The following WWOX variants were observed in gnomAD, a reference collection of about 807,000 sequenced individuals.
The protein encoded by WWOX is WW domain containing oxidoreductase.
In WWOX, 69 loss-of-function variants were observed where a neutral mutation model predicts 46.2. The observed-to-expected ratio is 1.49, with a 90% CI of 1.23 to 1.82. The LOEUF is 1.82. WWOX is among the 40% of genes most tolerant of loss of function. The pLI, the probability that WWOX is intolerant of heterozygous loss-of-function variation, is 0.00. For missense variants in WWOX, 919 were observed against 542.6 expected, an observed-to-expected ratio of 1.69 and a Z score of -6.89; for synonymous variants, 359 against 202.6, an observed-to-expected ratio of 1.77 and a Z score of -6.56.
chr16:78,985,086 T>C (rs1389908320), intron 8 of WWOX, among the ~76,000 whole-genome samples: 1 of 152,212 alleles, frequency 6.6e-6, no homozygotes, highest in African/African-American at 2.4e-5. Context: ...CGCCCAGTTT[T>C]TGGACTTTGT....
chr16:78,676,032 C>T (rs1027257085), intron 8 of WWOX, among the ~76,000 whole-genome samples: 2 of 152,002 alleles, frequency 1.3e-5, no homozygotes, highest in South Asian at 2.1e-4. Context: ...TTTTTTTTAG[C>T]TTCTTCTCCG....
intron 8 of WWOX, among the ~76,000 whole-genome samples, chr16:78,527,750 T>G (rs1242798700): frequency 6.6e-6 from 1 of 152,168 alleles, no homozygotes; most frequent in Non-Finnish European, 1.5e-5. Flanking sequence ...GGAGTGATAT[T>G]GCCTGCCAGG....
Position 78,919,519 on chromosome 16 carries a change from G to GTTTTTTTTTTTTTTTTT in WWOX, c.1057-292085_1057-292084insTTTTTTTTTTTTTTTTT, listed in dbSNP as rs1362661780. Among the ~76,000 whole-genome samples, 2 of 67,256 alleles carry GTTTTTTTTTTTTTTTTT rather than the reference G, an allele frequency of 3.0e-5. 1 individual carries two copies. 44.1% of individuals were successfully genotyped at this position (67,256 alleles called of 152,430 possible). A position where few individuals can be genotyped will look rare whatever the true frequency, so the allele number is the denominator to read the frequency against. On this transcript the variant is annotated intron_variant, in intron 8 of 8. Coordinates refer to ENST00000566780, the MANE Select transcript of WWOX (RefSeq NM_016373.4). ...TCTCTTTTTTTTCTTTTATCTTTTT[G>GTTTTTTTTTTTTTTTTT]TTTTGTTTTTTTTTTTTTTGAGGGA...
intron 8 of WWOX, among the ~76,000 whole-genome samples, chr16:79,200,404 A>G (rs1037174582): frequency 1.2e-4 from 19 of 152,152 alleles, no homozygotes; most frequent in Non-Finnish European, 4.4e-5. Flanking sequence ...AGAACATTAC[A>G]CGTCAACAAG....
intron 8 of WWOX, among the ~76,000 whole-genome samples, chr16:78,676,627 A>G (rs1030479296): frequency 1.3e-5 from 2 of 152,170 alleles, no homozygotes; most frequent in African/African-American, 4.8e-5. Flanking sequence ...ATGTGCTGTC[A>G]GGGGCTGGAT....
In WWOX at chr16:78,471,033, G is replaced by A. The variant is rs151039087; in HGVS notation, c.1056+38281G>A. Among the ~76,000 whole-genome samples, 217 of 152,296 alleles carry A rather than the reference G, an allele frequency of 1.4e-3. 1 individual carries two copies. Among genetic ancestry groups the A allele is most frequent in the Admixed American group, 5.7e-3 (87 of 15,286 alleles). ...CTTTTGCTTTCTATAAAATGGTGTGGCATTGCTGGTATTTTCACTCTTCCT... is the reference window on the plus strand; with the variant it reads ...CTTTTGCTTTCTATAAAATGGTGTGACATTGCTGGTATTTTCACTCTTCCT... On this transcript the variant is annotated intron_variant, in intron 8 of 8. Coordinates refer to ENST00000566780, the MANE Select transcript of WWOX (RefSeq NM_016373.4).
In WWOX at chr16:78,442,889, G is replaced by A. The variant is rs186613567; in HGVS notation, c.1056+10137G>A. ...TGTAATCCCAGCACTTTGGGAGGCC[G>A]AGCCGGGCGAATCACGAGGTCAGGA... On this transcript the variant is annotated intron_variant, in intron 8 of 8. Transcript: ENST00000566780. Among the ~76,000 whole-genome samples, 11 of 152,160 alleles carry A rather than the reference G, an allele frequency of 7.2e-5. No homozygotes were observed. The East Asian group carries it at 1.4e-3, about 19-fold the overall frequency.
rs1289880945 is a variant in WWOX at position 79,104,041 on chromosome 16, G to A, written c.1057-107567G>A. 1.7e-4 allele frequency among the ~76,000 whole-genome samples: 11 copies of A among 65,480 alleles called. 3 individuals carry two copies. The highest frequency in any genetic ancestry group is 3.1e-4 in the Non-Finnish European group (11 of 35,154). 43.0% of individuals were successfully genotyped at this position (65,480 alleles called of 152,430 possible). On this transcript the variant is annotated intron_variant, in intron 8 of 8. Coordinates refer to ENST00000566780, the MANE Select transcript of WWOX (RefSeq NM_016373.4). Reference sequence around the variant, plus strand: ...CTATGTGGTGGTGCCCTTTTTTGGGGGGGGGGGGGCGGGTGGTGGGGGTAC... The same window carrying A: ...CTATGTGGTGGTGCCCTTTTTTGGGAGGGGGGGGGCGGGTGGTGGGGGTAC...
At chr16:79,074,362 G>A (rs574914719) in intron 8 of WWOX, among the ~76,000 whole-genome samples, 16 of 132,834 alleles carry the variant, frequency 1.2e-4, no homozygotes, top group East Asian at 2.4e-4. Context: ...TAAAACCACC[G>A]TTGTCACTCA....
At chr16:78,650,789 C>T (rs1318158709) in intron 8 of WWOX, among the ~76,000 whole-genome samples, 1 of 152,160 alleles carries the variant, frequency 6.6e-6, no homozygotes, top group Non-Finnish European at 1.5e-5. Context: ...TCCCACAAAT[C>T]TCAGCTGGCC....
chr16:78,192,791 G>A (rs1354567078), intron 5 of WWOX, among the ~76,000 whole-genome samples: 1 of 152,150 alleles, frequency 6.6e-6, no homozygotes, highest in East Asian at 1.9e-4. Context: ...TACAGGTCTA[G>A]TGCTGTTATA....
chr16:78,641,148 C>T (rs750941302), intron 8 of WWOX, among the ~76,000 whole-genome samples: 1 of 152,182 alleles, frequency 6.6e-6, no homozygotes, highest in Non-Finnish European at 1.5e-5. Flanking sequence ...AAAAAATTCT[C>T]TTCCTTGGAT....
intron 8 of WWOX, among the ~76,000 whole-genome samples, chr16:78,489,448 A>G (rs1465491179): frequency 1.3e-5 from 2 of 152,164 alleles, no homozygotes; most frequent in Non-Finnish European, 2.9e-5. Context: ...GTCTTTTGAG[A>G]GAAAACAGCA....
chr16:79,175,265 C>G (rs1169315501), intron 8 of WWOX, among the ~76,000 whole-genome samples: 2 of 152,334 alleles, frequency 1.3e-5, no homozygotes, highest in East Asian at 1.9e-4. Flanking sequence ...TGTTACAGAT[C>G]AGTTTGAAAT....
intron 8 of WWOX, among the ~76,000 whole-genome samples, chr16:78,710,495 TATA>T (rs1371317778): frequency 1.5e-5 from 2 of 136,128 alleles, no homozygotes; most frequent in African/African-American, 5.4e-5. Flanking sequence ...TATATATATA[TATA>T]TTTATATAAA....
intron 8 of WWOX, among the ~76,000 whole-genome samples, chr16:78,997,781 T>C (rs1029884625): frequency 4.6e-5 from 7 of 152,124 alleles, no homozygotes; most frequent in Admixed American, 1.3e-4. Context: ...GTCAACCAAG[T>C]ATGGGATGGG....
intron 8 of WWOX, among the ~76,000 whole-genome samples, chr16:78,668,236 A>G (rs370287615): frequency 2.6e-4 from 39 of 152,280 alleles, no homozygotes; most frequent in Admixed American, 1.6e-3. Flanking sequence ...GCCGAGATCT[A>G]TGCCATTGCA....
At chr16:78,752,430 G>T (rs146820250) in intron 8 of WWOX, among the ~76,000 whole-genome samples, 5,969 of 152,208 alleles carry the variant, frequency 0.039, 389 homozygotes, top group African/African-American at 0.14. Context: ...TGGGATTACA[G>T]GCACACACCA....
rs11862748 is a variant in WWOX, at chr16:78,749,519, T to G, written c.1056+316767T>G. Among the ~76,000 whole-genome samples the G allele has an allele frequency of 2.2e-3, 332 of 152,314 alleles. 1 individual carries two copies. The highest frequency in any genetic ancestry group is 7.6e-3 in the African/African-American group (315 of 41,570). ...GAAGCATTTAATGTTTTGTTGTTGTTACAATTGTTGTTTTACCCTAGGGCT... is the reference window on the plus strand; with the variant it reads ...GAAGCATTTAATGTTTTGTTGTTGTGACAATTGTTGTTTTACCCTAGGGCT... On this transcript the variant is annotated intron_variant, in intron 8 of 8. Coordinates refer to ENST00000566780, the MANE Select transcript of WWOX (RefSeq NM_016373.4).
Sources: gnomAD v4.1 joint callset for allele counts (sites outside exome capture counted in the v4.1 genomes callset) on GRCh38, gnomAD v4.1.1 for gene constraint, MANE v1.5 for transcripts, NCBI Gene and HGNC (gene_info 2026-07-23, HGNC 2026-07-21) for gene names.